SRPK2: variants seen among roughly 807,000 people sequenced by gnomAD.
SRPK2 encodes the protein SFRS protein kinase 2.
SRPK2 carries 21 observed loss-of-function variants against 90.8 expected under a neutral mutation model. The ratio of observed to expected loss-of-function variants is 0.23; its 90% CI spans 0.16 to 0.33. The LOEUF (loss-of-function observed/expected upper bound fraction) is 0.33, where lower values mean the gene tolerates loss of function less well. SRPK2 is among the 10% of genes least tolerant of loss of function. The pLI, the probability that SRPK2 is intolerant of heterozygous loss-of-function variation, is 1.00. For synonymous variants in SRPK2, 288 were observed against 311.1 expected, an observed-to-expected ratio of 0.93 and a Z score of 0.78; for missense variants, 620 against 869.0, an observed-to-expected ratio of 0.71 and a Z score of 3.60.
At chr7:105,235,009 T>C (rs1387735174) in intron 2 of SRPK2, among the ~76,000 whole-genome samples, 2 of 152,226 alleles carry the variant, frequency 1.3e-5, no homozygotes, top group Non-Finnish European at 2.9e-5. Context: ...ATTTCTGCAA[T>C]TTTTTAAGCT....
intron 2 of SRPK2, among the ~76,000 whole-genome samples, chr7:105,387,775 A>G (rs1234851062): frequency 6.6e-6 from 1 of 152,218 alleles, no homozygotes; most frequent in Non-Finnish European, 1.5e-5. Context: ...ACGCTGGTAA[A>G]TCAAAAAAAT....
chr7:105,386,239 G>A (rs1295882728), intron 2 of SRPK2, among the ~76,000 whole-genome samples: 7 of 150,842 alleles, frequency 4.6e-5, no homozygotes, highest in Admixed American at 1.3e-4. Flanking sequence ...GCGTGAATTC[G>A]GGAGGCGGAG....
At position 105,123,917 on chromosome 7, in the gene SRPK2, C is replaced by A. The variant is rs537048318; in HGVS notation, c.1915+2331G>T. ...AACACCAAGTGAAAATATTTTTGGT[C>A]TCTCATTAGGAAGGATGCCAAATGC... On this transcript the variant is annotated intron_variant, in intron 15 of 15. Coordinates refer to ENST00000393651, the MANE Select transcript of SRPK2 (RefSeq NM_182692.3). Among the ~76,000 whole-genome samples the A allele has an allele frequency of 8.5e-5, 13 of 152,294 alleles. No individual in the cohort carries two copies. In the South Asian group the frequency reaches 1.9e-3, roughly 22 times the overall value.
At chr7:105,348,656 C>T (rs976083841) in intron 2 of SRPK2, among the ~76,000 whole-genome samples, 4 of 151,288 alleles carry the variant, frequency 2.6e-5, no homozygotes, top group African/African-American at 9.7e-5. Context: ...CTACTGACCT[C>T]AGGTGATCCA....
At chr7:105,212,868 A>T (rs1158481851) in intron 2 of SRPK2, among the ~76,000 whole-genome samples, 3 of 152,188 alleles carry the variant, frequency 2.0e-5, no homozygotes, top group Admixed American at 1.3e-4. Context: ...ACATGGGGTG[A>T]TGGCTACATG....
chr7:105,224,271 T>C (rs948888745), intron 2 of SRPK2, among the ~76,000 whole-genome samples: 1 of 152,216 alleles, frequency 6.6e-6, no homozygotes, highest in Non-Finnish European at 1.5e-5. Flanking sequence ...ATAAGACTTT[T>C]GTTAGAGTTA....
At position 105,220,006 on chromosome 7, in the gene SRPK2, CA is replaced by C. The variant is rs367724789; in HGVS notation, c.72-16222del. ...ACACCTGACTTAGAGCCATGTAAGC[CA>C]AATAGCCTATTCATCACTACTTAGT... On this transcript the variant is annotated intron_variant, in intron 2 of 15. Transcript: ENST00000393651. Among the ~76,000 whole-genome samples, 204 of 152,170 alleles carry C rather than the reference CA, an allele frequency of 1.3e-3. 2 individuals carry two copies. The highest frequency in any genetic ancestry group is 3.7e-3 in the African/African-American group (152 of 41,514).
intron 2 of SRPK2, among the ~76,000 whole-genome samples, chr7:105,289,134 C>A (rs1297946873): frequency 2.8e-5 from 4 of 145,002 alleles, no homozygotes; most frequent in Non-Finnish European, 6.0e-5. Context: ...ATTAGCCGGG[C>A]ATGGTGGCAG....
At chr7:105,288,823 G>A (rs1808538989) in intron 2 of SRPK2, among the ~76,000 whole-genome samples, 2 of 152,052 alleles carry the variant, frequency 1.3e-5, no homozygotes, top group Admixed American at 1.3e-4. Context: ...GAAGACATGT[G>A]CTAAAGAAAC....
chr7:105,219,011 C>T (rs575340632), intron 2 of SRPK2, among the ~76,000 whole-genome samples: 4 of 152,112 alleles, frequency 2.6e-5, no homozygotes, highest in Middle Eastern at 6.8e-3. Context: ...GCAAAAGTGG[C>T]CGCAGAAATA....
intron 3 of SRPK2, among the ~76,000 whole-genome samples, chr7:105,171,925 T>A (rs1415075149): frequency 6.6e-6 from 1 of 152,106 alleles, no homozygotes; most frequent in Non-Finnish European, 1.5e-5. Context: ...TGAGACCGAG[T>A]TTCGCTGTTA....
At chr7:105,241,053 T>C (rs1800753405) in intron 2 of SRPK2, among the ~76,000 whole-genome samples, 1 of 152,128 alleles carries the variant, frequency 6.6e-6, no homozygotes, top group Admixed American at 6.6e-5. Context: ...AGAAATGGTG[T>C]CAGAAAATAA....
At chr7:105,246,584 C>A (rs570270409) in intron 2 of SRPK2, among the ~76,000 whole-genome samples, 1 of 152,288 alleles carries the variant, frequency 6.6e-6, no homozygotes, top group South Asian at 2.1e-4. Flanking sequence ...ATGAGAAGAG[C>A]AACAGACCTA....
At chr7:105,177,738 A>G (rs1287277705) in intron 3 of SRPK2, among the ~76,000 whole-genome samples, 1 of 152,026 alleles carries the variant, frequency 6.6e-6, no homozygotes, top group African/African-American at 2.4e-5. Context: ...AACAGAAAAA[A>G]CAGGCTAGGC....
At chr7:105,231,262 T>C (rs1044395103) in intron 2 of SRPK2, among the ~76,000 whole-genome samples, 1 of 152,218 alleles carries the variant, frequency 6.6e-6, no homozygotes, top group African/African-American at 2.4e-5. Context: ...AAATACATTA[T>C]CTCTTCTTTT....
At chr7:105,266,275 T>A (rs1805061072) in intron 2 of SRPK2, among the ~76,000 whole-genome samples, 2 of 152,094 alleles carry the variant, frequency 1.3e-5, no homozygotes, top group South Asian at 4.1e-4. Flanking sequence ...TTTATAAAAT[T>A]GAACAAAAAC....
intron 2 of SRPK2, among the ~76,000 whole-genome samples, chr7:105,334,787 C>T (rs1814870197): frequency 6.9e-6 from 1 of 144,920 alleles, no homozygotes; most frequent in Non-Finnish European, 1.5e-5. Flanking sequence ...TTGCAGTGAG[C>T]CAAAATCATG....
intron 7 of SRPK2, among the ~76,000 whole-genome samples, chr7:105,158,041 G>A (rs1446661158): frequency 6.6e-6 from 1 of 152,024 alleles, no homozygotes. Flanking sequence ...CTCCAGCCTG[G>A]GTAACAGAGG....
intron 6 of SRPK2, among the ~76,000 whole-genome samples, chr7:105,167,058 G>C (rs532416551): frequency 2.6e-5 from 4 of 152,260 alleles, no homozygotes; most frequent in African/African-American, 9.6e-5. Context: ...AAAACACAAA[G>C]AAGTGGTGCT....
Sources: allele counts gnomAD v4.1 joint callset (sites outside exome capture counted in the v4.1 genomes callset), GRCh38; gene constraint gnomAD v4.1.1; transcripts MANE v1.5; gene names NCBI Gene and HGNC (gene_info 2026-07-23, HGNC 2026-07-21).